WIPF3: variants seen among roughly 807,000 people sequenced by gnomAD.
WIPF3 encodes WAS/WASL interacting protein family member 3.
Under a neutral mutation model 38.9 loss-of-function variants are expected in WIPF3, and 33 were observed. The ratio of observed to expected loss-of-function variants is 0.85; its 90% CI spans 0.64 to 1.14. The LOEUF (loss-of-function observed/expected upper bound fraction) is 1.14. Among genes scored for constraint, WIPF3 ranks in the 50% most tolerant of loss-of-function variants. The pLI is 0.00. For missense variants in WIPF3, 711 were observed against 652.5 expected (o/e 1.09, Z -0.98); for synonymous variants, 324 against 269.3 (o/e 1.20, Z -1.99).
Position 29,901,825 on chromosome 7 carries a change from CAA to C in WIPF3, c.1352-2438_1352-2437del, listed in dbSNP as rs869296187. Among the ~76,000 whole-genome samples, 26 of 82,558 alleles carry C rather than the reference CAA, an allele frequency of 3.1e-4. No individual in the cohort carries two copies. In the South Asian group the frequency reaches 6.3e-3, roughly 20 times the overall value. 54.2% of individuals were successfully genotyped at this position (82,558 alleles called of 152,430 possible). A position where few individuals can be genotyped will look rare whatever the true frequency, so the allele number is the denominator to read the frequency against. On this transcript the variant is annotated intron_variant, in intron 7 of 8. Transcript: ENST00000242140. Reference sequence around the variant, plus strand: ...TGCGCTCCAGAGCAAGTCCCTGTCTCAAAAAAAAAAAAAAAAAAAAAAAAGAA... The same window carrying C: ...TGCGCTCCAGAGCAAGTCCCTGTCTCAAAAAAAAAAAAAAAAAAAAAAGAA...
Position 29,875,839 on chromosome 7 carries a change from G to A in WIPF3, c.100G>A (p.Asp34Asn). 1 of 1,613,998 alleles carries A rather than the reference G, an allele frequency of 6.2e-7. No homozygotes were observed. Among genetic ancestry groups the A allele is most frequent in the South Asian group, 1.1e-5 (1 of 91,086 alleles). Residue 34 changes from aspartate (D) to asparagine (N), a missense_variant, in exon 3 of 9, where the codon GAC becomes AAC. Physicochemically the swap from Asp to Asn is conservative, Grantham distance 23. Coordinates refer to ENST00000242140, the MANE Select transcript of WIPF3 (RefSeq NM_001080529.3). ...TTTTACTCCCTTACAGGTAAGCACA[G>A]ACACCTCCAGCTTGCGAAGGGCAGA... is the stretch of plus-strand genomic sequence containing the variant. ...PPPSAPPVST[D>N]TSSLRRADPK...
At chr7:29,836,564 A>G (rs946434753) in intron 2 of WIPF3, among the ~76,000 whole-genome samples, 1 of 152,248 alleles carries the variant, frequency 6.6e-6, no homozygotes, top group African/African-American at 2.4e-5. Flanking sequence ...AAAAGAATTT[A>G]TGCAAGGATA....
At chr7:29,836,961 A>G (rs1447597019) in intron 2 of WIPF3, among the ~76,000 whole-genome samples, 1 of 152,132 alleles carries the variant, frequency 6.6e-6, no homozygotes, top group African/African-American at 2.4e-5. Context: ...ACTGCACTCC[A>G]GCCTGGGTGA....
At chr7:29,856,045 A>G (rs566045834) in intron 2 of WIPF3, among the ~76,000 whole-genome samples, 1 of 152,326 alleles carries the variant, frequency 6.6e-6, no homozygotes, top group South Asian at 2.1e-4. Context: ...ATGTATGTAT[A>G]TATGTAGATA....
chr7:29,871,655 T>C (rs1785499211), intron 2 of WIPF3, among the ~76,000 whole-genome samples: 1 of 152,220 alleles, frequency 6.6e-6, no homozygotes, highest in Non-Finnish European at 1.5e-5. Context: ...GACTGTCATC[T>C]CCCTTCCCCA....
rs553146448 is a variant in WIPF3, at chr7:29,874,048, G to A, written c.91-1782G>A. Among the ~76,000 whole-genome samples, 355 of 152,192 alleles carry A rather than the reference G, an allele frequency of 2.3e-3. 5 individuals are homozygous for A. The highest frequency in any genetic ancestry group is 8.1e-3 in the African/African-American group (338 of 41,526). On this transcript the variant is annotated intron_variant, in intron 2 of 8. Transcript: ENST00000242140. ...AAGCCTGCTCAGCCTGAAAAACATG[G>A]TCATTTCTGGCCTCTTGGTGGCCTT... is the stretch of plus-strand genomic sequence containing the variant.
rs1166146233 is a variant in WIPF3 at position 29,878,670 on chromosome 7, C to T, written c.224-339C>T. 2.0e-5 allele frequency among the ~76,000 whole-genome samples: 3 copies of T among 152,234 alleles called. No individual in the cohort carries two copies. Among genetic ancestry groups the T allele is most frequent in the Non-Finnish European group, 2.9e-5 (2 of 68,044 alleles). ...AATAAGAGCAGCTCTACACCTACCA[C>T]ATTTGGGTTTTCTAATTCGAAGGTG... On this transcript the variant is annotated intron_variant, in intron 3 of 8. Transcript: ENST00000242140. The surrounding 1 kb of genome is among the most constrained non-coding windows in gnomAD (Gnocchi z 4.0).
intron 1 of WIPF3, among the ~76,000 whole-genome samples, chr7:29,815,373 T>G (rs913406700): frequency 2.0e-5 from 3 of 152,210 alleles, no homozygotes; most frequent in Non-Finnish European, 2.9e-5. Context: ...GTGTATGTCT[T>G]GAGGTTAGAA....
intron 1 of WIPF3, among the ~76,000 whole-genome samples, chr7:29,814,348 C>T (rs1306093865): frequency 1.3e-5 from 2 of 152,130 alleles, no homozygotes; most frequent in Admixed American, 6.6e-5. Context: ...GTGTTACAAG[C>T]TATCATTTGT....
rs1365624723 is a variant in WIPF3 at position 29,816,711 on chromosome 7, G to T, written c.-58+10033G>T. Among the ~76,000 whole-genome samples the T allele has an allele frequency of 2.6e-5, 4 of 151,996 alleles. No homozygotes were observed. In the East Asian group the frequency reaches 7.7e-4, roughly 29 times the overall value. Reference sequence around the variant, plus strand: ...ATCATTCCAGGTTCATACATACAGGGCTGCCATATTCTTTGTGACAGCTAC... The same window carrying T: ...ATCATTCCAGGTTCATACATACAGGTCTGCCATATTCTTTGTGACAGCTAC... On this transcript the variant is annotated intron_variant, in intron 1 of 8. Transcript: ENST00000242140.
chr7:29,891,442 G>A (rs1786020177), intron 7 of WIPF3, among the ~76,000 whole-genome samples: 1 of 152,194 alleles, frequency 6.6e-6, no homozygotes, highest in African/African-American at 2.4e-5. Flanking sequence ...CTGCGTGGCT[G>A]TACATTTAGA....
intron 1 of WIPF3, among the ~76,000 whole-genome samples, chr7:29,822,019 A>C (rs546418246): frequency 6.6e-6 from 1 of 151,046 alleles, no homozygotes; most frequent in African/African-American, 2.4e-5. Context: ...TAATAATTGT[A>C]TGTCTTGTCA....
chr7:29,858,176 C>G (rs555986983), intron 2 of WIPF3, among the ~76,000 whole-genome samples: 1 of 152,264 alleles, frequency 6.6e-6, no homozygotes, highest in African/African-American at 2.4e-5. Context: ...AGAATAGTAG[C>G]TGACACATCA....
chr7:29,896,079 G>A (rs750111439), intron 7 of WIPF3, among the ~76,000 whole-genome samples: 1 of 152,144 alleles, frequency 6.6e-6, no homozygotes, highest in East Asian at 1.9e-4. Context: ...AATGGTGAGT[G>A]AGTACTGATG....
chr7:29,905,009 T>G (rs984840147), intron 8 of WIPF3: 11 of 152,328 alleles, frequency 7.2e-5, no homozygotes, highest in African/African-American at 2.7e-4. Flanking sequence ...TGAAAACATG[T>G]ATTCAGTCGA....
intron 2 of WIPF3, among the ~76,000 whole-genome samples, chr7:29,843,036 A>G (rs1246975776): frequency 6.6e-6 from 1 of 152,244 alleles, no homozygotes; most frequent in Non-Finnish European, 1.5e-5. Context: ...TTAGGATAGT[A>G]TTAAGTTGAC....
intron 4 of WIPF3, among the ~76,000 whole-genome samples, chr7:29,881,487 C>A (rs1785715167): frequency 6.6e-6 from 1 of 152,122 alleles, no homozygotes; most frequent in Admixed American, 6.5e-5. Context: ...ATTTAAATTT[C>A]TTTTAAAATC....
intron 2 of WIPF3, among the ~76,000 whole-genome samples, chr7:29,848,788 A>G (rs1785044115): frequency 6.6e-6 from 1 of 152,184 alleles, no homozygotes; most frequent in African/African-American, 2.4e-5. Context: ...TGGAGGGGGA[A>G]CGTGGGTTGT....
intron 2 of WIPF3, among the ~76,000 whole-genome samples, chr7:29,868,292 C>T (rs1438028517): frequency 6.6e-6 from 1 of 152,076 alleles, no homozygotes; most frequent in Non-Finnish European, 1.5e-5. Context: ...GGGATAAACC[C>T]AGAGCAGCTG....
Sources: allele counts gnomAD v4.1 joint callset (sites outside exome capture counted in the v4.1 genomes callset), GRCh38; gene constraint gnomAD v4.1.1; non-coding constraint Gnocchi (gnomAD v3.1); transcripts MANE v1.5; gene names NCBI Gene and HGNC (gene_info 2026-07-23, HGNC 2026-07-21).